CCDC181: variants seen among roughly 807,000 people sequenced by gnomAD.
CCDC181 encodes coiled-coil domain-containing protein 181.
CCDC181 carries 35 observed loss-of-function variants against 58.7 expected under a neutral mutation model. The ratio of observed to expected loss-of-function variants is 0.60; its 90% CI spans 0.46 to 0.79. CCDC181 has a LOEUF of 0.79. Among genes scored for constraint, CCDC181 ranks in the 30% least tolerant of loss-of-function variants. CCDC181 has a pLI of 0.00. For synonymous variants in CCDC181, 183 were observed against 197.5 expected, an observed-to-expected ratio of 0.93 and a Z score of 0.62; for missense variants, 517 against 583.9, an observed-to-expected ratio of 0.89 and a Z score of 1.18.
At chr1:169,447,314 T>C (rs1216880992) in intron 2 of CCDC181, among the ~76,000 whole-genome samples, 1 of 152,122 alleles carries the variant, frequency 6.6e-6, no homozygotes, top group African/African-American at 2.4e-5. Context: ...GGTTTCGCCA[T>C]GATGGCCAGA....
intron 2 of CCDC181, among the ~76,000 whole-genome samples, chr1:169,440,089 G>A (rs777123554): frequency 3.9e-5 from 6 of 152,174 alleles, no homozygotes; most frequent in Admixed American, 2.0e-4. Context: ...ATTTAGAGCC[G>A]TGGGTTTCCA....
At chr1:169,431,718 G>A (rs1656924187), upstream of CCDC181, among the ~76,000 whole-genome samples, 1 of 152,142 alleles carries the variant, frequency 6.6e-6, no homozygotes, top group Non-Finnish European at 1.5e-5. Flanking sequence ...TGTATTACTT[G>A]CAGGAGCAGC....
intron 2 of CCDC181, among the ~76,000 whole-genome samples, chr1:169,448,338 ACTT>A (rs200466183): frequency 0.011 from 1,626 of 152,254 alleles, 37 homozygotes; most frequent in African/African-American, 0.037. Flanking sequence ...TCCCTGAAGA[ACTT>A]CTTTTAATAT....
chr1:169,416,230 G>C (rs1656208495), intron 4 of CCDC181, among the ~76,000 whole-genome samples: 1 of 152,132 alleles, frequency 6.6e-6, no homozygotes, highest in African/African-American at 2.4e-5. Flanking sequence ...CTGGGGGTAG[G>C]GGGTTCTCCT....
intron 2 of CCDC181, among the ~76,000 whole-genome samples, chr1:169,436,678 A>G (rs1657063385): frequency 6.6e-6 from 1 of 152,242 alleles, no homozygotes; most frequent in African/African-American, 2.4e-5. Context: ...TTCACAATCT[A>G]TAGTGACAAT....
At chr1:169,410,625 T>G (rs1655914275) in intron 4 of CCDC181, among the ~76,000 whole-genome samples, 1 of 152,196 alleles carries the variant, frequency 6.6e-6, no homozygotes, top group Non-Finnish European at 1.5e-5. Flanking sequence ...ATTCTAAAAT[T>G]GACCACATAT....
chr1:169,405,249 T>G (rs554854124), intron 4 of CCDC181, among the ~76,000 whole-genome samples: 1 of 152,158 alleles, frequency 6.6e-6, no homozygotes, highest in Non-Finnish European at 1.5e-5. Flanking sequence ...AATTTATAGA[T>G]TCAATGCCAT....
chr1:169,444,062 G>T (rs182391268), intron 2 of CCDC181, among the ~76,000 whole-genome samples: 1 of 152,210 alleles, frequency 6.6e-6, no homozygotes, highest in African/African-American at 2.4e-5. Context: ...TGATGTGAAT[G>T]GTAAATACAG....
At chr1:169,413,829 T>C (rs987107280) in intron 4 of CCDC181, among the ~76,000 whole-genome samples, 6 of 132,852 alleles carry the variant, frequency 4.5e-5, no homozygotes, top group South Asian at 2.3e-4. Flanking sequence ...TGAGAACACA[T>C]GGACACAGGG....
At chr1:169,407,117 C>T (rs1348080486) in intron 4 of CCDC181, among the ~76,000 whole-genome samples, 3 of 144,682 alleles carry the variant, frequency 2.1e-5, no homozygotes, top group South Asian at 2.2e-4. Context: ...AAATCTGGTA[C>T]AAAACATGAA....
At chr1:169,437,357 A>G (rs576665892) in intron 2 of CCDC181, among the ~76,000 whole-genome samples, 2 of 152,326 alleles carry the variant, frequency 1.3e-5, no homozygotes, top group Middle Eastern at 6.8e-3. Context: ...CCTGTGGCTA[A>G]TGTTAGTCCT....
chr1:169,457,258 G>A (rs1657699628), intron 2 of CCDC181, among the ~76,000 whole-genome samples: 2 of 152,062 alleles, frequency 1.3e-5, no homozygotes. Flanking sequence ...TCTGATTCCT[G>A]TATCTGTGGA....
At chr1:169,445,355 A>G (rs1228655098) in intron 2 of CCDC181, among the ~76,000 whole-genome samples, 3 of 147,154 alleles carry the variant, frequency 2.0e-5, no homozygotes, top group African/African-American at 7.6e-5. Context: ...ATGAATGAGT[A>G]TTGGGTTTTG....
chr1:169,433,216 AAAC>A (rs1443914670), intron 2 of CCDC181, among the ~76,000 whole-genome samples: 2 of 148,758 alleles, frequency 1.3e-5, no homozygotes, highest in South Asian at 2.1e-4. Flanking sequence ...GAAATTAAGA[AAAC>A]AATTCAATTT....
chr1:169,440,008 A>G (rs1557878497), intron 2 of CCDC181, among the ~76,000 whole-genome samples: 1 of 151,920 alleles, frequency 6.6e-6, no homozygotes, highest in Non-Finnish European at 1.5e-5. Context: ...GGTACAGGAT[A>G]GGGGCATGGT....
At chr1:169,457,987 T>C (rs1034548057) in intron 2 of CCDC181, among the ~76,000 whole-genome samples, 1 of 152,108 alleles carries the variant, frequency 6.6e-6, no homozygotes, top group Non-Finnish European at 1.5e-5. Flanking sequence ...ATAGATTCTT[T>C]TGTGTCTTAG....
chr1:169,426,626 T>A (rs1482681594), intron 1 of CCDC181, among the ~76,000 whole-genome samples: 1 of 152,200 alleles, frequency 6.6e-6, no homozygotes, highest in East Asian at 1.9e-4. Context: ...TCAAAAATAG[T>A]TTAAATAATT....
intron 1 of CCDC181, among the ~76,000 whole-genome samples, chr1:169,426,415 T>TA (rs1396524699): frequency 6.6e-6 from 1 of 152,124 alleles, no homozygotes; most frequent in East Asian, 1.9e-4. Flanking sequence ...TTATCATCAG[T>TA]AAAAATCTAG....
Position 169,419,148 on chromosome 1 carries a change from T to C in CCDC181, c.1080A>G (p.Arg360=). 1 of 1,596,484 alleles carries C rather than the reference T, an allele frequency of 6.3e-7. No individual in the cohort carries two copies. Among genetic ancestry groups the C allele is most frequent in the Non-Finnish European group, 8.5e-7 (1 of 1,173,042 alleles). ...TTTTTTCTTTCTCTTCTTCTATTTT[T>C]CGTCGCTCTTCCTAGTAAAAGAATA... ...REKLKREEER[R]KIEEEKEKKR... Residue 360 remains arginine (R), a synonymous_variant, in exon 4 of 6, where the codon CGA becomes CGG. Coordinates refer to ENST00000367806, the MANE Select transcript of CCDC181 (RefSeq NM_001300969.2).
Sources: gnomAD v4.1 joint callset for allele counts (sites outside exome capture counted in the v4.1 genomes callset) on GRCh38, gnomAD v4.1.1 for gene constraint, MANE v1.5 for transcripts, NCBI Gene and HGNC (gene_info 2026-07-23, HGNC 2026-07-21) for gene names.